The following ATP2B4 variants were observed in gnomAD, a reference collection of about 807,000 sequenced individuals.
ATP2B4 encodes the protein ATPase plasma membrane Ca2+ transporting 4.
In ATP2B4, 39 loss-of-function variants were observed where a neutral mutation model predicts 110.3. The ratio of observed to expected loss-of-function variants is 0.35; its 90% CI spans 0.27 to 0.46. ATP2B4 has a LOEUF of 0.46. Among genes scored for constraint, ATP2B4 ranks in the 20% least tolerant of loss-of-function variants. The pLI, the probability that ATP2B4 is intolerant of heterozygous loss-of-function variation, is 1.00. For missense variants in ATP2B4, 1,135 were observed against 1,530.9 expected (o/e 0.74, Z 4.32); for synonymous variants, 538 against 571.7 (o/e 0.94, Z 0.84).
At chr1:203,700,434 C>T (rs1025998719) in intron 5 of ATP2B4, 103 bp downstream of exon 5, 4 of 1,445,138 alleles carry the variant, frequency 2.8e-6, no homozygotes, top group Admixed American at 2.3e-5. Flanking sequence ...CATCTCCTTC[C>T]CTGGGGTTCA....
At chr1:203,683,482 C>A in intron 2 of ATP2B4, 84 bp downstream of exon 2, 1 of 1,395,446 alleles carries the variant, frequency 7.2e-7, no homozygotes, top group Non-Finnish European at 9.7e-7. Context: ...AGAGAAGGCA[C>A]ATTTCTGGAG....
chr1:203,724,606 A>T (rs981020686), intron 19 of ATP2B4, among the ~76,000 whole-genome samples: 2 of 152,128 alleles, frequency 1.3e-5, no homozygotes, highest in South Asian at 4.1e-4. Context: ...AAAAATATAT[A>T]ATAAGGGTCT....
chr1:203,646,880 G>T (rs1042509235), intron 1 of ATP2B4, among the ~76,000 whole-genome samples: 1 of 152,198 alleles, frequency 6.6e-6, no homozygotes, highest in Non-Finnish European at 1.5e-5. Flanking sequence ...ACGTTCACAA[G>T]TCCAGACATA....
intron 1 of ATP2B4, among the ~76,000 whole-genome samples, chr1:203,664,863 G>T (rs1043145278): frequency 2.0e-5 from 3 of 152,042 alleles, no homozygotes; most frequent in African/African-American, 7.2e-5. Context: ...ACAGAGTCTC[G>T]CTCTGTCACC....
At position 203,682,881 on chromosome 1, in the gene ATP2B4, C is replaced by T. The variant is rs1665056503; in HGVS notation, c.-325C>T. ...TACACCTTCATCTGGGCAAGTTGGT[C>T]TAAGCTAGGAACCTACCTACCCTGG... On this transcript the variant is annotated 5_prime_UTR_variant, in exon 2 of 21. Transcript: ENST00000357681. 1 of 214,032 alleles carries T rather than the reference C, an allele frequency of 4.7e-6. No individual in the cohort carries two copies. Among genetic ancestry groups the T allele is most frequent in the South Asian group, 1.1e-4 (1 of 8,762 alleles). The allele number at this position is 214,032 out of a possible 1,614,324, so 13.3% of individuals were successfully genotyped here.
At position 203,729,298 on chromosome 1, in the gene ATP2B4, G is replaced by A. The variant is rs141368091; in HGVS notation, c.3309+1727G>A. ...GCGGTGGCTCACGCCTGTAATCCCA[G>A]CACTTTGGGAGGCCGAGGCTGGCAG... On this transcript the variant is annotated intron_variant, in intron 20 of 20. Coordinates refer to ENST00000357681, the MANE Select transcript of ATP2B4 (RefSeq NM_001684.5). Among the ~76,000 whole-genome samples the A allele has an allele frequency of 8.0e-3, 1,213 of 152,234 alleles. 27 individuals carry two copies. The highest frequency in any genetic ancestry group is 0.076 in the East Asian group (393 of 5,170).
At chr1:203,628,055 A>G (rs1177232023) in intron 1 of ATP2B4, among the ~76,000 whole-genome samples, 1 of 152,062 alleles carries the variant, frequency 6.6e-6, no homozygotes, top group Non-Finnish European at 1.5e-5. Flanking sequence ...AAAGTTTCCG[A>G]TGTCGAGGCT....
Position 203,631,727 on chromosome 1 carries a change from C to G in ATP2B4, c.-465+4508C>G, listed in dbSNP as rs548314935. 5.3e-5 allele frequency among the ~76,000 whole-genome samples: 8 copies of G among 152,320 alleles called. No individual in the cohort carries two copies. The East Asian group carries it at 1.5e-3, about 29-fold the overall frequency. ...ACACATTTACCCAGCAATCCTACGT[C>G]TAGGAATTTATCCAGAAGGTGCTCA... On this transcript the variant is annotated intron_variant, in intron 1 of 20. Transcript: ENST00000357681.
intron 1 of ATP2B4, among the ~76,000 whole-genome samples, chr1:203,643,644 C>T (rs914471507): frequency 2.6e-5 from 4 of 152,184 alleles, no homozygotes; most frequent in Non-Finnish European, 4.4e-5. Context: ...TTAAGTGCTC[C>T]AGGCTCTCTT....
rs1200204159 is a variant in ATP2B4 at position 203,680,592 on chromosome 1, G to C, written c.-464-2150G>C. ...CCACTGCACTCCAGCCTGGGCGACA[G>C]AGTGAGACTCCGTCTCAAAAAAAAA... On this transcript the variant is annotated intron_variant, in intron 1 of 20. Transcript: ENST00000357681. Among the ~76,000 whole-genome samples the C allele has an allele frequency of 1.4e-4, 20 of 144,832 alleles. No individual in the cohort carries two copies. In the East Asian group the frequency reaches 1.8e-3, roughly 13 times the overall value.
At chr1:203,659,979 G>C (rs1218216387) in intron 1 of ATP2B4, among the ~76,000 whole-genome samples, 2 of 152,000 alleles carry the variant, frequency 1.3e-5, no homozygotes, top group African/African-American at 4.8e-5. Context: ...CTACTCGGGA[G>C]GCTGAGGCAG....
intron 15 of ATP2B4, among the ~76,000 whole-genome samples, chr1:203,714,743 A>T (rs1571755116): frequency 6.6e-6 from 1 of 151,434 alleles, no homozygotes; most frequent in Non-Finnish European, 1.5e-5. Context: ...GAATACCAGA[A>T]TTTTTTTTTA....
At chr1:203,644,499 G>C (rs1283297371) in intron 1 of ATP2B4, among the ~76,000 whole-genome samples, 1 of 152,138 alleles carries the variant, frequency 6.6e-6, no homozygotes, top group Non-Finnish European at 1.5e-5. Context: ...CACTTAAGTT[G>C]TTCTGTCACT....
At chr1:203,731,161 C>T (rs943278394) in intron 20 of ATP2B4, among the ~76,000 whole-genome samples, 1 of 152,200 alleles carries the variant, frequency 6.6e-6, no homozygotes, top group Non-Finnish European at 1.5e-5. Flanking sequence ...AAACCCTCTC[C>T]TCCTGCAGGT....
At chr1:203,667,361 C>T (rs1441561569) in intron 1 of ATP2B4, among the ~76,000 whole-genome samples, 4 of 152,176 alleles carry the variant, frequency 2.6e-5, no homozygotes, top group African/African-American at 9.7e-5. Flanking sequence ...AGCAAAGGAG[C>T]AATGTTCCCT....
Position 203,739,872 on chromosome 1 carries a change from C to T in ATP2B4, c.*18C>T, listed in dbSNP as rs185315903. 3 of 1,597,066 alleles carry T rather than the reference C, an allele frequency of 1.9e-6. No homozygotes were observed. In the East Asian group the frequency reaches 6.7e-5, roughly 36 times the overall value. On this transcript the variant is annotated 3_prime_UTR_variant, in exon 21 of 21. Transcript: ENST00000357681. Reference sequence around the variant, plus strand: ...CAGTTTGAATTTTCTTTCTCTGACTCTCATCCCTATTTTACCTATTTCCAT... The same window carrying T: ...CAGTTTGAATTTTCTTTCTCTGACTTTCATCCCTATTTTACCTATTTCCAT...
intron 15 of ATP2B4, among the ~76,000 whole-genome samples, chr1:203,714,740 A>G (rs1309241195): frequency 1.5e-5 from 2 of 134,812 alleles, no homozygotes; most frequent in African/African-American, 3.2e-5. Flanking sequence ...GATGAATACC[A>G]GAATTTTTTT....
chr1:203,683,315 C>T lies in ATP2B4; in HGVS notation c.110C>T (p.Ser37Leu), dbSNP rs986432272. 7 of 1,614,116 alleles carry T rather than the reference C, an allele frequency of 4.3e-6. No individual in the cohort carries two copies. The South Asian group carries it at 4.4e-5, about 10-fold the overall frequency. ...MELRKLMELR[S>L]RDALTQINVH... ...CTGAGGAAGCTCATGGAGCTGCGTT[C>T]AAGGGATGCACTGACCCAGATTAAT... The change falls in exon 2 of 21, where the codon TCA becomes TTA. Residue 37 changes from serine (S) to leucine (L), a missense_variant. Ser to Leu is a moderately radical substitution (Grantham distance 145). This residue lies in a region of ATP2B4 where 122 missense variants were observed against 125.2 expected (regional missense o/e 0.97). Coordinates refer to ENST00000357681, the MANE Select transcript of ATP2B4 (RefSeq NM_001684.5).
Position 203,740,957 on chromosome 1 carries a change from G to A in ATP2B4, c.*1103G>A, listed in dbSNP as rs1397700734. ...GGCTCTCCAGGGCAGGACCTGACTG[G>A]TGGGGAATGAGTGTTCAGAAGCCTT... On this transcript the variant is annotated 3_prime_UTR_variant, in exon 21 of 21. Transcript: ENST00000357681. 1 of 152,274 alleles carries A rather than the reference G, an allele frequency of 6.6e-6. No homozygotes were observed. Among genetic ancestry groups the A allele is most frequent in the Admixed American group, 6.5e-5 (1 of 15,282 alleles). 9.4% of individuals were successfully genotyped at this position (152,274 alleles called of 1,614,324 possible).
Sources: allele counts gnomAD v4.1 joint callset (sites outside exome capture counted in the v4.1 genomes callset), GRCh38; gene constraint gnomAD v4.1.1; regional missense constraint gnomAD v4.1.1; transcripts MANE v1.5; gene names NCBI Gene and HGNC (gene_info 2026-07-23, HGNC 2026-07-21).